Variants in LAMTOR1 observed in about 807,000 individuals in gnomAD.
LAMTOR1 encodes ragulator complex protein LAMTOR1.
In LAMTOR1, 8 loss-of-function variants were observed where a neutral mutation model predicts 20.5. The observed-to-expected ratio is 0.39, with a 90% CI of 0.23 to 0.70. LAMTOR1 has a LOEUF of 0.70. Among genes scored for constraint, LAMTOR1 ranks in the 30% least tolerant of loss-of-function variants. LAMTOR1 has a pLI of 0.43. For synonymous variants in LAMTOR1, 77 were observed against 80.9 expected, an observed-to-expected ratio of 0.95 and a Z score of 0.26; for missense variants, 135 against 206.2, an observed-to-expected ratio of 0.65 and a Z score of 2.11.
chr11:72,099,885 T>C (rs1945376253), intron 1 of LAMTOR1, among the ~76,000 whole-genome samples: 1 of 152,170 alleles, frequency 6.6e-6, no homozygotes, highest in Non-Finnish European at 1.5e-5. Context: ...CCTTCGAAGG[T>C]GTTCACCCTC....
chr11:72,097,584 G>T lies in LAMTOR1; in HGVS notation c.*238C>A. The T allele has an allele frequency of 7.4e-7, 1 of 1,343,786 alleles. No homozygotes were observed. The highest frequency in any genetic ancestry group is 3.0e-5 in the East Asian group (1 of 32,970). 83.2% of individuals were successfully genotyped at this position (1,343,786 alleles called of 1,614,324 possible). ...TCTCAATGACTATGAAGACATACCA[G>T]GCTCTGTCCTTTTGGCCCCCACCCC... is the stretch of plus-strand genomic sequence containing the variant. On this transcript the variant is annotated 3_prime_UTR_variant, in exon 5 of 5. Coordinates refer to ENST00000278671, the MANE Select transcript of LAMTOR1 (RefSeq NM_017907.3).
At chr11:72,098,582 G>T (rs1945321711) in intron 3 of LAMTOR1, 167 bp from the exon 4 acceptor site, 2 of 917,152 alleles carry the variant, frequency 2.2e-6, no homozygotes, top group Admixed American at 5.5e-5. Flanking sequence ...ATCTCCCTTG[G>T]CCTCAGCGCC....
intron 4 of LAMTOR1, 172 bp from the exon 5 acceptor site, chr11:72,098,086 G>A (rs1945294280): frequency 8.8e-6 from 9 of 1,021,294 alleles, no homozygotes; most frequent in Non-Finnish European, 1.3e-5. Flanking sequence ...ACAAAGGGGA[G>A]TGAAACAATA....
chr11:72,098,751 C>T (rs1591175874), intron 3 of LAMTOR1, 30 bp downstream of exon 3: 1 of 1,488,258 alleles, frequency 6.7e-7, no homozygotes, highest in Non-Finnish European at 9.0e-7. Context: ...CCCAAGTAGC[C>T]TGAGGGACCC....
chr11:72,100,703 A>T, intron 1 of LAMTOR1: 1 of 152,662 alleles, frequency 6.6e-6, no homozygotes, highest in Non-Finnish European at 1.5e-5. Context: ...TTCCTGCTGC[A>T]GGCCGCAGCT....
At chr11:72,101,604 T>G (rs1945441064) in intron 1 of LAMTOR1, among the ~76,000 whole-genome samples, 1 of 152,220 alleles carries the variant, frequency 6.6e-6, no homozygotes, top group Non-Finnish European at 1.5e-5. Flanking sequence ...GTGTTGTATA[T>G]TTTTTATTAT....
At chr11:72,098,551 T>C (rs1239899818) in intron 3 of LAMTOR1, 136 bp from the exon 4 acceptor site, 4 of 1,125,524 alleles carry the variant, frequency 3.6e-6, no homozygotes, top group Non-Finnish European at 5.0e-6. Flanking sequence ...TCTCAGCTCA[T>C]CACAGACTCA....
chr11:72,100,158 A>C (rs1945387455), intron 1 of LAMTOR1, among the ~76,000 whole-genome samples: 1 of 151,920 alleles, frequency 6.6e-6, no homozygotes, highest in African/African-American at 2.4e-5. Flanking sequence ...CCTACTTGGG[A>C]GGCTGAAGTG....
intron 1 of LAMTOR1, among the ~76,000 whole-genome samples, chr11:72,102,846 A>G (rs1945494433): frequency 6.6e-6 from 1 of 152,226 alleles, no homozygotes; most frequent in South Asian, 2.1e-4. Context: ...ACTAATACAC[A>G]GAAGACACAG....
intron 1 of LAMTOR1, among the ~76,000 whole-genome samples, chr11:72,102,701 C>A (rs4943821): frequency 6.6e-6 from 1 of 152,062 alleles, no homozygotes; most frequent in Non-Finnish European, 1.5e-5. Flanking sequence ...AGAGTCGTCC[C>A]CTGGCCCTAG....
At chr11:72,099,364 T>A in intron 1 of LAMTOR1, 108 bp from the exon 2 acceptor site, 6 of 1,259,596 alleles carry the variant, frequency 4.8e-6, no homozygotes, top group Non-Finnish European at 6.5e-6. Flanking sequence ...AATGTTTCTA[T>A]AAGGAATATC....
At chr11:72,099,986 T>C (rs1193843912) in intron 1 of LAMTOR1, among the ~76,000 whole-genome samples, 2 of 152,056 alleles carry the variant, frequency 1.3e-5, no homozygotes, top group East Asian at 3.9e-4. Flanking sequence ...GCTGTAGCCA[T>C]GTATGGTGAT....
intron 1 of LAMTOR1, among the ~76,000 whole-genome samples, chr11:72,099,918 T>C (rs1360551759): frequency 6.6e-6 from 1 of 152,212 alleles, no homozygotes; most frequent in Non-Finnish European, 1.5e-5. Flanking sequence ...GCTCTTTTTG[T>C]ACGTGACTCC....
intron 1 of LAMTOR1, among the ~76,000 whole-genome samples, chr11:72,102,579 T>C (rs1206182822): frequency 6.6e-6 from 1 of 152,224 alleles, no homozygotes; most frequent in East Asian, 1.9e-4. Context: ...TCCCACAATC[T>C]AGCCAAAGCT....
At position 72,099,217 on chromosome 11, in the gene LAMTOR1, G is replaced by A. The variant is rs1451385187; in HGVS notation, c.82C>T (p.Pro28Ser). 6.2e-7 allele frequency: 1 copy of A among 1,605,114 alleles called. No homozygotes were observed. The highest frequency in any genetic ancestry group is 8.5e-7 in the Non-Finnish European group (1 of 1,174,510). ...GCTCCATTGAGAGCTTTGGTAGGGG[G>A]GCTGCTAGGGTCCAGCAGCAGCTTC... ...ERKLLLDPSS[P>S]PTKALNGAEP... Residue 28 changes from proline to serine, a missense_variant, in exon 2 of 5, where the codon CCC becomes TCC. Coordinates refer to ENST00000278671, the MANE Select transcript of LAMTOR1 (RefSeq NM_017907.3).
chr11:72,103,238 C>T lies in LAMTOR1; in HGVS notation c.-14G>A. The T allele has an allele frequency of 6.4e-7, 1 of 1,556,068 alleles. No individual in the cohort carries two copies. The highest frequency in any genetic ancestry group is 1.2e-5 in the South Asian group (1 of 84,670). ...GCAGCACCCCATGGCCGGGGTCGGG[C>T]CGGGCGCTCAGGCCGCGCCGAGGAG... On this transcript the variant is annotated 5_prime_UTR_variant, in exon 1 of 5. Transcript: ENST00000278671.
intron 1 of LAMTOR1, among the ~76,000 whole-genome samples, chr11:72,100,159 G>A (rs1417488575): frequency 6.6e-6 from 1 of 152,168 alleles, no homozygotes; most frequent in African/African-American, 2.4e-5. Context: ...CTACTTGGGA[G>A]GCTGAAGTGC....
intron 1 of LAMTOR1, among the ~76,000 whole-genome samples, chr11:72,102,665 G>A (rs1945487289): frequency 6.6e-6 from 1 of 152,106 alleles, no homozygotes; most frequent in South Asian, 2.1e-4. Context: ...ATCCTTCATT[G>A]GCCAATTCAA....
At chr11:72,101,273 A>G (rs1591179493) in intron 1 of LAMTOR1, among the ~76,000 whole-genome samples, 1 of 120,034 alleles carries the variant, frequency 8.3e-6, no homozygotes, top group South Asian at 2.9e-4. Flanking sequence ...AGCATGGGTT[A>G]GGTTTGTCAC....
Sources: allele counts gnomAD v4.1 joint callset (sites outside exome capture counted in the v4.1 genomes callset), GRCh38; gene constraint gnomAD v4.1.1; transcripts MANE v1.5; gene names NCBI Gene and HGNC (gene_info 2026-07-23, HGNC 2026-07-21).